CEACAM4: variants seen among roughly 807,000 people sequenced by gnomAD.
CEACAM4 encodes cell adhesion molecule CEACAM4.
Under a neutral mutation model 28.7 loss-of-function variants are expected in CEACAM4, and 30 were observed. That is an observed-to-expected ratio of 1.05 (90% CI 0.78 to 1.42). The LOEUF is 1.42. Ranked by LOEUF, CEACAM4 falls within the 40% of genes most tolerant of loss-of-function variation. The pLI, the probability that CEACAM4 is intolerant of heterozygous loss-of-function variation, is 0.00. For missense variants in CEACAM4, 330 were observed against 308.2 expected (o/e 1.07, Z -0.53); for synonymous variants, 143 against 126.5 (o/e 1.13, Z -0.87).
At chr19:41,621,205 A>G (rs1487468883) in intron 3 of CEACAM4, among the ~76,000 whole-genome samples, 2 of 151,990 alleles carry the variant, frequency 1.3e-5, no homozygotes, top group Non-Finnish European at 2.9e-5. Flanking sequence ...ATCAATCACG[A>G]TGGGGTGCTG....
Position 41,626,908 on chromosome 19 carries a change from AG to A in CEACAM4, c.55del (p.Leu19Ter). The A allele has an allele frequency of 3.1e-6, 5 of 1,610,464 alleles. No individual in the cohort carries two copies. The highest frequency in any genetic ancestry group is 4.2e-6 in the Non-Finnish European group (5 of 1,178,012). On this transcript the variant is annotated frameshift_variant, in exon 1 of 7. Transcript: ENST00000221954. LOFTEE classifies it high-confidence loss of function. ...RGGHRPWQGL[L>X]ITASLLTFWH... is the part of the protein sequence containing the mutation. The stretch of plus-strand genomic sequence containing the variant: ...GAGAGTCCTCCCCTCACCTGTGATC[AG>A]GAGCCCCTGCCAGGGCCTGTGCCCT...
In CEACAM4 at chr19:41,621,647, G is replaced by A; in HGVS notation, c.542+4C>T. 5 of 1,552,508 alleles carry A rather than the reference G, an allele frequency of 3.2e-6. No individual in the cohort carries two copies. Among genetic ancestry groups the A allele is most frequent in the East Asian group, 2.2e-5 (1 of 44,494 alleles). On this transcript the variant is annotated splice_donor_region_variant and intron_variant, in intron 3 of 6. Transcript: ENST00000221954. ...GGGAGGAGGCTGGGGAAAAGCTGCG[G>A]TACCTTCCAGTCCTGGAGAGAAGCA...
At chr19:41,613,817 A>G in the CEACAM4 span, among the ~76,000 whole-genome samples, 1 of 152,148 alleles carries the variant, frequency 6.6e-6, no homozygotes, top group Non-Finnish European at 1.5e-5. Context: ...GATCAATCAC[A>G]CTGAGGAACT....
At position 41,619,680 on chromosome 19, in the gene CEACAM4, G is replaced by A. The variant is rs782776170; in HGVS notation, c.659C>T (p.Pro220Leu). The stretch of plus-strand genomic sequence containing the variant: ...ATGGCCCACACTCACCTCATAGATG[G>A]GAGTGGCTGTTCTGGGGCTGGGTAG... ...APLPSPRTAT[P>L]IYEELLYSDA... The change falls in exon 6 of 7, where the codon CCC (proline) becomes CTC (leucine). Residue 220 changes from proline to leucine, a missense_variant. Transcript: ENST00000221954. The A allele has an allele frequency of 2.5e-6, 4 of 1,594,196 alleles. No individual in the cohort carries two copies. In the African/African-American group the frequency reaches 4.0e-5, roughly 16 times the overall value.
chr19:41,615,683 G>A (rs1226634429), downstream of CEACAM4, among the ~76,000 whole-genome samples: 1 of 152,090 alleles, frequency 6.6e-6, no homozygotes, highest in Admixed American at 6.5e-5. Flanking sequence ...GGTGACCCAG[G>A]ACAGACATTG....
chr19:41,621,951 C>G (rs1390647519), intron 2 of CEACAM4, among the ~76,000 whole-genome samples, 183 bp from the exon 3 acceptor site: 2 of 152,220 alleles, frequency 1.3e-5, no homozygotes, highest in Non-Finnish European at 2.9e-5. Context: ...TTTTCTGTGT[C>G]TCAGACTTGA....
At chr19:41,617,839 T>G (rs1453766968), downstream of CEACAM4, among the ~76,000 whole-genome samples, 3 of 152,146 alleles carry the variant, frequency 2.0e-5, no homozygotes, top group African/African-American at 7.2e-5. Context: ...TTGTGGTAAT[T>G]TGTCACAGCC....
chr19:41,616,398 A>G (rs148991586), downstream of CEACAM4, among the ~76,000 whole-genome samples: 3 of 152,188 alleles, frequency 2.0e-5, no homozygotes, highest in African/African-American at 4.8e-5. Context: ...TTATGTCTTC[A>G]CATCTCATCC....
At chr19:41,624,559 G>A (rs1299035705) in intron 2 of CEACAM4, among the ~76,000 whole-genome samples, 2 of 152,188 alleles carry the variant, frequency 1.3e-5, no homozygotes, top group Admixed American at 1.3e-4. Flanking sequence ...CCCCCTCCGA[G>A]CTGTAGACAC....
At chr19:41,626,400 C>T (rs1386237223) in intron 1 of CEACAM4, among the ~76,000 whole-genome samples, 2 of 152,164 alleles carry the variant, frequency 1.3e-5, no homozygotes, top group South Asian at 2.1e-4. Context: ...TCTTCCTCCC[C>T]ATGAGAGCGT....
At chr19:41,620,953 A>T (rs781892873) in intron 3 of CEACAM4, among the ~76,000 whole-genome samples, 4 of 151,886 alleles carry the variant, frequency 2.6e-5, no homozygotes, top group Non-Finnish European at 5.9e-5. Flanking sequence ...AAGGCCCCAG[A>T]GGGAAAGCAG....
At position 41,620,579 on chromosome 19, in the gene CEACAM4, G is replaced by C. The variant is rs781996837; in HGVS notation, c.591C>G (p.Thr197=). The stretch of plus-strand genomic sequence containing the variant: ...CTGGGCTGAAGGGACACTCACCAGG[G>C]GTGGAGGCTGGGGGCGGCTGCTCCC... The part of the protein sequence containing the change: ...DLREQPPPAS[T]PGHGPSHRST... The change falls in exon 4 of 7, where the codon ACC becomes ACG. Residue 197 remains threonine, a synonymous_variant. Transcript: ENST00000221954. 7 of 1,612,656 alleles carry C rather than the reference G, an allele frequency of 4.3e-6. No homozygotes were observed. The highest frequency in any genetic ancestry group is 5.9e-6 in the Non-Finnish European group (7 of 1,179,108).
At chr19:41,619,575 A>G (rs1555800226) in intron 6 of CEACAM4, 95 bp downstream of exon 6, 1 of 1,555,550 alleles carries the variant, frequency 6.4e-7, no homozygotes. Context: ...TTTTCACTGC[A>G]TTTTCCTGAA....
At position 41,620,182 on chromosome 19, in the gene CEACAM4, GA is replaced by G. The variant is rs2122476579; in HGVS notation, c.627+28del. The stretch of plus-strand genomic sequence containing the variant: ...AGCCTGCACTGTTGGGACCCCAGTA[GA>G]AAAGGGCTGGGGAGGGAACAGGCTT... On this transcript the variant is annotated intron_variant, in intron 5 of 6. Transcript: ENST00000221954. The G allele has an allele frequency of 8.0e-6, 12 of 1,494,330 alleles. No individual in the cohort carries two copies. In the East Asian group the frequency reaches 1.8e-4, roughly 22 times the overall value. 92.6% of individuals were successfully genotyped at this position (1,494,330 alleles called of 1,614,324 possible).
chr19:41,616,528 GATAGATAGATAGAT>G (rs2070986523), downstream of CEACAM4, among the ~76,000 whole-genome samples: 1 of 150,566 alleles, frequency 6.6e-6, no homozygotes, highest in South Asian at 2.1e-4. Flanking sequence ...TAGATAGATA[GATAGATAGATAGAT>G]AGATATTCAG....
At chr19:41,624,322 G>T (rs532299240) in intron 2 of CEACAM4, among the ~76,000 whole-genome samples, 2 of 152,270 alleles carry the variant, frequency 1.3e-5, no homozygotes, top group Admixed American at 6.5e-5. Context: ...CTGGTGCAGG[G>T]TGTGAATGGG....
In CEACAM4 at chr19:41,619,728, G is replaced by A; in HGVS notation, c.628-17C>T. Reference sequence around the variant, plus strand: ...TAGAGGGGCCTGGGCAGGGGAGAGAGGAGATGTCAGGGGACAGGGAGGGAG... The same window carrying A: ...TAGAGGGGCCTGGGCAGGGGAGAGAAGAGATGTCAGGGGACAGGGAGGGAG... On this transcript the variant is annotated splice_polypyrimidine_tract_variant and intron_variant, in intron 5 of 6. Coordinates refer to ENST00000221954, the MANE Select transcript of CEACAM4 (RefSeq NM_001817.4). 3 of 1,554,710 alleles carry A rather than the reference G, an allele frequency of 1.9e-6. No individual in the cohort carries two copies. Among genetic ancestry groups the A allele is most frequent in the African/African-American group, 1.4e-5 (1 of 73,124 alleles).
At chr19:41,623,902 C>T (rs368195357) in intron 2 of CEACAM4, among the ~76,000 whole-genome samples, 20 of 152,084 alleles carry the variant, frequency 1.3e-4, no homozygotes, top group Admixed American at 1.0e-3. Flanking sequence ...GTAAGGCAAA[C>T]GTGTGGGACT....
At chr19:41,613,514 CACACAT>C in the CEACAM4 span, among the ~76,000 whole-genome samples, 1 of 152,040 alleles carries the variant, frequency 6.6e-6, no homozygotes, top group South Asian at 2.1e-4. Flanking sequence ...CACACACACA[CACACAT>C]ACACCCACAC....
Sources: allele counts gnomAD v4.1 joint callset (sites outside exome capture counted in the v4.1 genomes callset), GRCh38; gene constraint gnomAD v4.1.1; transcripts MANE v1.5; gene names NCBI Gene and HGNC (gene_info 2026-07-23, HGNC 2026-07-21).